The following DPY19L2 variants were observed in gnomAD, a reference collection of about 807,000 sequenced individuals.
DPY19L2 encodes the protein probable C-mannosyltransferase DPY19L2.
DPY19L2 carries 34 observed loss-of-function variants against 97.9 expected under a neutral mutation model. That is an observed-to-expected ratio of 0.35 (90% CI 0.26 to 0.46). The LOEUF (loss-of-function observed/expected upper bound fraction) is 0.46, where lower values mean the gene tolerates loss of function less well. Ranked by LOEUF, DPY19L2 falls within the 20% of genes least tolerant of loss-of-function variation. DPY19L2 has a pLI of 1.00. For missense variants in DPY19L2, 623 were observed against 911.4 expected (o/e 0.68, Z 4.07); for synonymous variants, 230 against 307.9 (o/e 0.75, Z 2.65).
chr12:63,627,332 G>C (rs960034086), intron 6 of DPY19L2, among the ~76,000 whole-genome samples: 2 of 152,000 alleles, frequency 1.3e-5, no homozygotes, highest in African/African-American at 4.8e-5. Flanking sequence ...CATTTCTTTT[G>C]TTGTTGTTAT....
At chr12:63,627,778 T>A (rs1266873786) in intron 6 of DPY19L2, among the ~76,000 whole-genome samples, 1 of 152,174 alleles carries the variant, frequency 6.6e-6, no homozygotes, top group Non-Finnish European at 1.5e-5. Flanking sequence ...TTCCCTAGCC[T>A]AACACATTCT....
intron 6 of DPY19L2, among the ~76,000 whole-genome samples, chr12:63,627,410 C>T (rs1369391556): frequency 1.4e-4 from 21 of 152,184 alleles, no homozygotes; most frequent in South Asian, 2.1e-4. Context: ...AGTGCAGTGG[C>T]GCGATCTCGG....
At chr12:63,572,839 T>TAC (rs1268565293) in intron 19 of DPY19L2, among the ~76,000 whole-genome samples, 1 of 152,088 alleles carries the variant, frequency 6.6e-6, no homozygotes, top group Non-Finnish European at 1.5e-5. Context: ...ACCAAGGTAG[T>TAC]ACCTCTAAGA....
At chr12:63,667,577 C>G (rs537158519) in intron 1 of DPY19L2, among the ~76,000 whole-genome samples, 1 of 152,252 alleles carries the variant, frequency 6.6e-6, no homozygotes, top group South Asian at 2.1e-4. Flanking sequence ...GACCATTAGA[C>G]ACCAACACTC....
At chr12:63,597,525 G>C (rs1884447414) in intron 14 of DPY19L2, among the ~76,000 whole-genome samples, 1 of 151,760 alleles carries the variant, frequency 6.6e-6, no homozygotes, top group Admixed American at 6.6e-5. Context: ...ATTATCAAAA[G>C]TAATTGATTT....
intron 8 of DPY19L2, among the ~76,000 whole-genome samples, chr12:63,622,281 C>T (rs1888818902): frequency 6.6e-6 from 1 of 152,046 alleles, no homozygotes; most frequent in Non-Finnish European, 1.5e-5. Flanking sequence ...AAAAATAACC[C>T]ACCTTCCTAG....
intron 21 of DPY19L2, among the ~76,000 whole-genome samples, chr12:63,568,772 T>C (rs1212174732): frequency 1.3e-5 from 2 of 152,022 alleles, no homozygotes; most frequent in African/African-American, 4.8e-5. Flanking sequence ...TTTTTAGAGA[T>C]TCGAAATTCA....
chr12:63,658,363 C>T (rs146210228), intron 4 of DPY19L2, among the ~76,000 whole-genome samples: 1,758 of 151,978 alleles, frequency 0.012, 14 homozygotes, highest in African/African-American at 0.04. Flanking sequence ...GGCGTGGTGG[C>T]GCACATCTGT....
At chr12:63,593,686 T>C (rs1288468228) in intron 16 of DPY19L2, among the ~76,000 whole-genome samples, 1 of 152,076 alleles carries the variant, frequency 6.6e-6, no homozygotes, top group Non-Finnish European at 1.5e-5. Context: ...ATATACCTAA[T>C]GCTAAATGAC....
At chr12:63,652,711 A>G (rs1281194708) in intron 4 of DPY19L2, among the ~76,000 whole-genome samples, 2 of 152,176 alleles carry the variant, frequency 1.3e-5, no homozygotes. Context: ...CTTATAAGCG[A>G]AGCTAAACAC....
Position 63,654,409 on chromosome 12 carries a change from T to C in DPY19L2, c.588+6935A>G, listed in dbSNP as rs2138230509. ...ATGTTCTGCCACAAGAAGGTTAAAA[T>C]AAAAGCAAACAGAAATTGAAAACCA... On this transcript the variant is annotated intron_variant, in intron 4 of 21. Coordinates refer to ENST00000324472, the MANE Select transcript of DPY19L2 (RefSeq NM_173812.5). 2.0e-5 allele frequency among the ~76,000 whole-genome samples: 3 copies of C among 152,044 alleles called. No individual in the cohort carries two copies. In the South Asian group the frequency reaches 6.2e-4, roughly 32 times the overall value.
intron 19 of DPY19L2, among the ~76,000 whole-genome samples, chr12:63,579,634 A>G (rs1880515634): frequency 6.6e-6 from 1 of 152,156 alleles, no homozygotes; most frequent in Admixed American, 6.5e-5. Flanking sequence ...CTTGGGAAAA[A>G]TAGCTATAAC....
chr12:63,571,805 A>T (rs1445112396), intron 19 of DPY19L2, among the ~76,000 whole-genome samples: 1 of 152,224 alleles, frequency 6.6e-6, no homozygotes. Flanking sequence ...ATCTCTTGAA[A>T]TACCAGAAGA....
At chr12:63,660,223 A>G (rs1895497487) in intron 4 of DPY19L2, among the ~76,000 whole-genome samples, 1 of 152,122 alleles carries the variant, frequency 6.6e-6, no homozygotes, top group Non-Finnish European at 1.5e-5. Context: ...AAACCATACA[A>G]AAGTGTACCT....
chr12:63,645,242 T>C (rs1893253617), intron 5 of DPY19L2, among the ~76,000 whole-genome samples: 1 of 152,202 alleles, frequency 6.6e-6, no homozygotes, highest in African/African-American at 2.4e-5. Context: ...TCACTTTAAC[T>C]GGCTGGAGCC....
At chr12:63,610,533 A>C (rs1886764462) in intron 11 of DPY19L2, among the ~76,000 whole-genome samples, 2 of 151,778 alleles carry the variant, frequency 1.3e-5, no homozygotes, top group African/African-American at 2.4e-5. Context: ...ATAAATTTCT[A>C]GAAACATACA....
chr12:63,606,337 A>G (rs2137627753), intron 12 of DPY19L2, among the ~76,000 whole-genome samples: 1 of 152,248 alleles, frequency 6.6e-6, no homozygotes, highest in South Asian at 2.1e-4. Flanking sequence ...TTTAAACAGA[A>G]CACTCTAAAT....
intron 1 of DPY19L2, chr12:63,666,348 A>G: frequency 4.0e-6 from 1 of 247,722 alleles, no homozygotes; most frequent in Non-Finnish European, 8.0e-6. Flanking sequence ...TGTGCAGCTC[A>G]ACCCTTGATG....
chr12:63,668,518 C>A (rs916846544), upstream of DPY19L2: 1 of 1,019,884 alleles, frequency 9.8e-7, no homozygotes, highest in African/African-American at 1.6e-5. Context: ...TTGCGGACCT[C>A]CCGGTCGTCA....
Sources: gnomAD v4.1 joint callset for allele counts (sites outside exome capture counted in the v4.1 genomes callset) on GRCh38, gnomAD v4.1.1 for gene constraint, MANE v1.5 for transcripts, NCBI Gene and HGNC (gene_info 2026-07-23, HGNC 2026-07-21) for gene names.